TMEM175: variants seen among roughly 807,000 people sequenced by gnomAD.
TMEM175 encodes the protein transmembrane protein 175.
Under a neutral mutation model 36.5 loss-of-function variants are expected in TMEM175, and 36 were observed. The ratio of observed to expected loss-of-function variants is 0.99; its 90% CI spans 0.76 to 1.30. TMEM175 has a LOEUF of 1.30. TMEM175 is among the 50% of genes most tolerant of loss of function. The pLI, the probability that TMEM175 is intolerant of heterozygous loss-of-function variation, is 0.00. For synonymous variants in TMEM175, 339 were observed against 313.4 expected (o/e 1.08, Z -0.86); for missense variants, 705 against 692.8 (o/e 1.02, Z -0.20).
chr4:942,769 A>G (rs148233638), intron 1 of TMEM175, among the ~76,000 whole-genome samples: 107 of 151,914 alleles, frequency 7.0e-4, no homozygotes, highest in African/African-American at 2.3e-3. Flanking sequence ...CCTCCTGAGT[A>G]GCTGGGACTA....
At position 958,205 on chromosome 4, in the gene TMEM175, G is replaced by C. The variant is rs780199146; in HGVS notation, c.1224G>C (p.Ser408=). 4 of 1,601,968 alleles carry C rather than the reference G, an allele frequency of 2.5e-6. No homozygotes were observed. Among genetic ancestry groups the C allele is most frequent in the Non-Finnish European group, 3.4e-6 (4 of 1,176,512 alleles). Residue 408 remains serine, a synonymous_variant, in exon 11 of 11, where the codon TCG becomes TCC. Transcript: ENST00000264771. ...LLHQAETLQP[S]VWFGGREHVL... is the part of the protein sequence containing the mutation. ...ACCAGGCGGAGACGCTGCAGCCCTC[G>C]GTGTGGTTTGGCGGCCGGGAGCATG...
intron 3 of TMEM175, among the ~76,000 whole-genome samples, chr4:949,770 C>T (rs1366871028): frequency 1.4e-5 from 2 of 141,836 alleles, no homozygotes; most frequent in East Asian, 3.9e-4. Flanking sequence ...GGGCAGGCTG[C>T]CTTCGGGGTC....
intron 1 of TMEM175, 123 bp from the exon 2 acceptor site, chr4:947,586 C>G: frequency 1.4e-6 from 1 of 736,406 alleles, no homozygotes; most frequent in Non-Finnish European, 2.2e-6. Flanking sequence ...TGGACCCTTC[C>G]CCTGCTCAGT....
intron 2 of TMEM175, 60 bp downstream of exon 2, chr4:947,952 G>A (rs1219560839): frequency 6.2e-7 from 1 of 1,613,064 alleles, no homozygotes; most frequent in Admixed American, 1.7e-5. Context: ...GCACTGCCCA[G>A]CCCACCTCAG....
In TMEM175 at chr4:953,191, C is replaced by T. The variant is rs770466843; in HGVS notation, c.464C>T (p.Ala155Val). The change falls in exon 8 of 11, where the codon GCA becomes GTA. Residue 155 changes from alanine (A) to valine (V), a missense_variant and splice_region_variant. By Grantham distance (64) the Ala-to-Val change is moderately conservative. Coordinates refer to ENST00000264771, the MANE Select transcript of TMEM175 (RefSeq NM_032326.4). ...VCVIAIGVVQ[A>V]LIVGYAFHFP... ...TCCTACAGCTTGCTTTTCCCGCAGG[C>T]ACTGATTGTGGGGTACGCATTCCAC... 1.9e-5 allele frequency: 30 copies of T among 1,604,812 alleles called. No individual in the cohort carries two copies. In the South Asian group the frequency reaches 3.1e-4, roughly 17 times the overall value.
At position 952,123 on chromosome 4, in the gene TMEM175, G is replaced by C. The variant is rs1010698005; in HGVS notation, c.379-244G>C. On this transcript the variant is annotated intron_variant, in intron 6 of 10. Coordinates refer to ENST00000264771, the MANE Select transcript of TMEM175 (RefSeq NM_032326.4). ...GTGTGCCACAAGGAACTGGGGTCTG[G>C]GGAATTCCGTATGAATCGGATGACA... The C allele has an allele frequency of 4.7e-5, 28 of 597,390 alleles. No individual in the cohort carries two copies. The Admixed American group carries it at 8.0e-4, about 17-fold the overall frequency. The allele number at this position is 597,390 out of a possible 1,614,324, so 37.0% of individuals were successfully genotyped here. A position where few individuals can be genotyped will look rare whatever the true frequency, so the allele number is the denominator to read the frequency against.
At chr4:933,018 C>T (rs1395630591) in intron 1 of TMEM175, among the ~76,000 whole-genome samples, 1 of 152,242 alleles carries the variant, frequency 6.6e-6, no homozygotes, top group Non-Finnish European at 1.5e-5. Context: ...CTCACCCTGA[C>T]ATTTTCCAAG....
chr4:951,156 A>C, intron 4 of TMEM175, 51 bp from the exon 5 acceptor site: 3 of 1,533,258 alleles, frequency 2.0e-6, no homozygotes, highest in Non-Finnish European at 2.7e-6. Flanking sequence ...GTGTGCATTT[A>C]ATGTTACTAC....
At chr4:956,384 C>T in intron 10 of TMEM175, 1 of 1,290,632 alleles carries the variant, frequency 7.7e-7, no homozygotes, top group South Asian at 1.2e-5. Flanking sequence ...CCTCATCTGC[C>T]TCTTCGTCTG....
At chr4:954,595 G>C (rs1729385111) in intron 8 of TMEM175, among the ~76,000 whole-genome samples, 1 of 152,208 alleles carries the variant, frequency 6.6e-6, no homozygotes, top group Non-Finnish European at 1.5e-5. Context: ...ATGCCTCTCT[G>C]AGCATTGCTG....
intron 1 of TMEM175, among the ~76,000 whole-genome samples, chr4:945,311 C>T (rs1259498821): frequency 6.6e-6 from 1 of 152,040 alleles, no homozygotes; most frequent in African/African-American, 2.4e-5. Context: ...GTCTCTGTCT[C>T]CTCACTCCCC....
intron 1 of TMEM175, among the ~76,000 whole-genome samples, chr4:939,397 A>G (rs1727164649): frequency 6.6e-6 from 1 of 152,086 alleles, no homozygotes; most frequent in Non-Finnish European, 1.5e-5. Flanking sequence ...CCTGACCAAC[A>G]TGGAGAAACC....
chr4:948,222 T>C, intron 3 of TMEM175, 68 bp downstream of exon 3: 1 of 1,613,332 alleles, frequency 6.2e-7, no homozygotes, highest in South Asian at 1.1e-5. Context: ...AGGCTCGACC[T>C]GGCACAGGGT....
chr4:952,473 ACTGTGTGT>A, intron 7 of TMEM175, 23 bp downstream of exon 7: 1 of 1,351,142 alleles, frequency 7.4e-7, no homozygotes, highest in Non-Finnish European at 1.0e-6. Flanking sequence ...GGGGGCCTGC[ACTGTGTGT>A]GTGTGTGTGT....
intron 8 of TMEM175, 53 bp downstream of exon 8, chr4:953,407 G>A (rs753807881): frequency 2.0e-5 from 31 of 1,545,722 alleles, no homozygotes; most frequent in African/African-American, 6.8e-5. Context: ...GCCACCATAG[G>A]AGCAATGTCC....
intron 1 of TMEM175, among the ~76,000 whole-genome samples, chr4:935,008 GA>G (rs1361368262): frequency 6.6e-6 from 1 of 152,172 alleles, no homozygotes; most frequent in African/African-American, 2.4e-5. Context: ...GGGGAAGTAG[GA>G]AACCCAAGAT....
rs150964903 is a variant in TMEM175, at chr4:955,435, C to T, written c.658C>T (p.Leu220Phe). ...SYLLMVTVIL[L>F]PYVSKVTGWC... is the part of the protein sequence containing the mutation. ...CCTGCTGATGGTGACTGTCATCCTC[C>T]TCCCCTATGTCAGCAAGGTCACCGG... The change falls in exon 9 of 11, where the codon CTC becomes TTC. Residue 220 changes from leucine (L) to phenylalanine (F), a missense_variant. Leu to Phe is a conservative substitution (Grantham distance 22, BLOSUM62 0). Transcript: ENST00000264771. 500 of 1,614,168 alleles carry T rather than the reference C, an allele frequency of 3.1e-4. 1 individual carries two copies. The African/African-American group carries it at 5.7e-3, about 18-fold the overall frequency.
chr4:942,143 C>T (rs1435042915), intron 1 of TMEM175, among the ~76,000 whole-genome samples: 3 of 151,400 alleles, frequency 2.0e-5, no homozygotes, highest in Non-Finnish European at 4.4e-5. Context: ...ACTGCAACCT[C>T]CGCCTCCCGG....
intron 5 of TMEM175, 178 bp from the exon 6 acceptor site, chr4:951,504 G>C (rs1728883132): frequency 3.5e-6 from 3 of 848,132 alleles, no homozygotes; most frequent in Non-Finnish European, 5.6e-6. Context: ...AGGTGTAGGG[G>C]ACAGAGAGGA....
Sources: gnomAD v4.1 joint callset for allele counts (sites outside exome capture counted in the v4.1 genomes callset) on GRCh38, gnomAD v4.1.1 for gene constraint, MANE v1.5 for transcripts, NCBI Gene and HGNC (gene_info 2026-07-23, HGNC 2026-07-21) for gene names.